The following PLEKHH1 variants were observed in gnomAD, a reference collection of about 807,000 sequenced individuals.
The protein encoded by PLEKHH1 is pleckstrin homology domain-containing family H member 1.
Under a neutral mutation model 160.0 loss-of-function variants are expected in PLEKHH1, and 104 were observed. The observed-to-expected ratio is 0.65, with a 90% CI of 0.55 to 0.76. The LOEUF (loss-of-function observed/expected upper bound fraction) is 0.76. PLEKHH1 is among the 30% of genes least tolerant of loss of function. The pLI is 0.00. For missense variants in PLEKHH1, 1,427 were observed against 1,724.1 expected, an observed-to-expected ratio of 0.83 and a Z score of 3.05; for synonymous variants, 619 against 678.4, an observed-to-expected ratio of 0.91 and a Z score of 1.36.
intron 2 of PLEKHH1, among the ~76,000 whole-genome samples, chr14:67,547,972 C>G (rs1594749159): frequency 6.6e-6 from 1 of 152,198 alleles, no homozygotes; most frequent in East Asian, 1.9e-4. Flanking sequence ...ACCCAGCCTG[C>G]CTGGGCCACC....
intron 17 of PLEKHH1, among the ~76,000 whole-genome samples, chr14:67,577,069 T>G (rs570455279): frequency 6.6e-6 from 1 of 152,228 alleles, no homozygotes; most frequent in African/African-American, 2.4e-5. Context: ...CCCACAACCT[T>G]GCACACTCAC....
At chr14:67,583,911 A>C in intron 25 of PLEKHH1, 28 bp downstream of exon 25, 1 of 1,612,152 alleles carries the variant, frequency 6.2e-7, no homozygotes, top group Non-Finnish European at 8.5e-7. Flanking sequence ...TCTTGCAGCA[A>C]GTCACTGTGG....
At chr14:67,553,300 C>T (rs1361322851) in intron 2 of PLEKHH1, among the ~76,000 whole-genome samples, 2 of 152,050 alleles carry the variant, frequency 1.3e-5, no homozygotes, top group African/African-American at 4.8e-5. Flanking sequence ...AGGGCCTTCC[C>T]GTTCAGTATT....
chr14:67,562,359 CG>C lies in PLEKHH1; in HGVS notation c.730del (p.Val244SerfsTer7). The C allele has an allele frequency of 1.2e-6, 2 of 1,613,682 alleles. No homozygotes were observed. Among genetic ancestry groups the C allele is most frequent in the Non-Finnish European group, 1.7e-6 (2 of 1,179,626 alleles). On this transcript the variant is annotated frameshift_variant, in exon 7 of 29. Transcript: ENST00000329153. LOFTEE classifies it high-confidence loss of function. ...ASPLEDSSSS[T>X]VHSGETVEAK... ...CCCTTGGAGGATTCTAGTTCCAGCA[CG>C]GTCCATTCTGGGGAAACAGTAGAGG...
At position 67,574,249 on chromosome 14, in the gene PLEKHH1, CTG is replaced by C. The variant is rs2035519222; in HGVS notation, c.1935_1936del (p.Lys647GlufsTer74). Reference sequence around the variant, plus strand: ...ATATCTCGCCCTCCACAGCTCATCTCTGAGAAGAAAACCTACTACCTGACGGC... The same window carrying C: ...ATATCTCGCCCTCCACAGCTCATCTCAGAAGAAAACCTACTACCTGACGGC... On this transcript the variant is annotated frameshift_variant, in exon 14 of 29. Transcript: ENST00000329153. LOFTEE classifies it high-confidence loss of function. The surrounding 1 kb of genome is among the most constrained non-coding windows in gnomAD (Gnocchi z 4.2). The C allele has an allele frequency of 1.9e-6, 3 of 1,602,802 alleles. No homozygotes were observed. The highest frequency in any genetic ancestry group is 2.6e-6 in the Non-Finnish European group (3 of 1,174,408).
chr14:67,578,670 T>C lies in PLEKHH1; in HGVS notation c.2849+39T>C, dbSNP rs1437799729. On this transcript the variant is annotated intron_variant, in intron 20 of 28. Transcript: ENST00000329153. This position sits in a 1 kb window ranked among gnomAD's most constrained non-coding sequence, Gnocchi z 5.0. ...GCCGTTTCCTCTGCCACTTGAGCACTGCCAACTGCCGCATGAATAAGAGGG... is the reference window on the plus strand; with the variant it reads ...GCCGTTTCCTCTGCCACTTGAGCACCGCCAACTGCCGCATGAATAAGAGGG... 41 of 1,259,838 alleles carry C rather than the reference T, an allele frequency of 3.3e-5. No individual in the cohort carries two copies. Among genetic ancestry groups the C allele is most frequent in the Non-Finnish European group, 4.6e-5 (40 of 877,478 alleles). 78.0% of individuals were successfully genotyped at this position (1,259,838 alleles called of 1,614,324 possible). A position where few individuals can be genotyped will look rare whatever the true frequency, so the allele number is the denominator to read the frequency against.
At position 67,578,180 on chromosome 14, in the gene PLEKHH1, A is replaced by G. The variant is rs2035715855; in HGVS notation, c.2732A>G (p.Gln911Arg). Residue 911 changes from glutamine to arginine, a missense_variant, in exon 19 of 29, where the codon CAG becomes CGG. Physicochemically the swap from Gln to Arg is conservative, Grantham distance 43. Transcript: ENST00000329153. The surrounding 1 kb of genome is among the most constrained non-coding windows in gnomAD (Gnocchi z 5.0). ...LMKQTSCRPP[Q>R]KYSLMQCWQL... ...AAGCAGACCAGCTGCCGCCCACCTC[A>G]GAAGTACTCCCTCATGCAGGTAGGC... 1.9e-6 allele frequency: 3 copies of G among 1,613,870 alleles called. No homozygotes were observed. The highest frequency in any genetic ancestry group is 2.5e-6 in the Non-Finnish European group (3 of 1,179,838).
intron 28 of PLEKHH1, 136 bp downstream of exon 28, chr14:67,586,233 G>A (rs2036156339): frequency 1.7e-6 from 2 of 1,164,892 alleles, no homozygotes; most frequent in Non-Finnish European, 2.5e-6. Context: ...TCTGTAATTA[G>A]TATTCCAAAG....
rs375000269 is a variant in PLEKHH1, at chr14:67,572,295, C to T, written c.1728+18C>T. 71 of 1,529,098 alleles carry T rather than the reference C, an allele frequency of 4.6e-5. No homozygotes were observed. The highest frequency in any genetic ancestry group is 3.0e-4 in the East Asian group (12 of 39,398). 94.7% of individuals were successfully genotyped at this position (1,529,098 alleles called of 1,614,324 possible). A position where few individuals can be genotyped will look rare whatever the true frequency, so the allele number is the denominator to read the frequency against. Reference sequence around the variant, plus strand: ...TGGGCGGGGTGAGCCGGGAAACGGGCGGGGGCAGGGTGGAAGCAGAATGCA... The same window carrying T: ...TGGGCGGGGTGAGCCGGGAAACGGGTGGGGGCAGGGTGGAAGCAGAATGCA... On this transcript the variant is annotated intron_variant, in intron 11 of 28. Coordinates refer to ENST00000329153, the MANE Select transcript of PLEKHH1 (RefSeq NM_020715.3).
In PLEKHH1 at chr14:67,574,391, C is replaced by A. The variant is rs752960783; in HGVS notation, c.2076C>A (p.Gly692=). ...LRGGTKPTVK[G]WLTKVKHGHS... ...GTGGCACCAAGCCCACCGTGAAGGG[C>A]TGGCTGACCAAGGTAGAGGGTGGGG... is the stretch of plus-strand genomic sequence containing the variant. Residue 692 remains glycine (G), a synonymous_variant, in exon 14 of 29, where the codon GGC becomes GGA. Transcript: ENST00000329153. The surrounding 1 kb of genome is among the most constrained non-coding windows in gnomAD (Gnocchi z 4.2). 1 of 1,574,318 alleles carries A rather than the reference C, an allele frequency of 6.4e-7. No individual in the cohort carries two copies. The highest frequency in any genetic ancestry group is 8.6e-7 in the Non-Finnish European group (1 of 1,161,102).
chr14:67,537,681 A>G (rs2033794917), intron 1 of PLEKHH1, among the ~76,000 whole-genome samples: 1 of 152,280 alleles, frequency 6.6e-6, no homozygotes, highest in Non-Finnish European at 1.5e-5. Context: ...AAAAGAAAAA[A>G]AAGTAATCTT....
In PLEKHH1 at chr14:67,562,642, G is replaced by A. The variant is rs780090698; in HGVS notation, c.1011G>A (p.Val337=). ...AAAGGCACCACAGCCAGCCCCAGGT[G>A]GGCCATGGGCACTTTGGCCGTGTGG... is the stretch of plus-strand genomic sequence containing the variant. ...LAKRHHSQPQ[V]GHGHFGRVVN... is the part of the protein sequence containing the mutation. The change falls in exon 7 of 29, where the codon GTG becomes GTA. Residue 337 remains valine (V), a synonymous_variant. Transcript: ENST00000329153. 2.5e-6 allele frequency: 4 copies of A among 1,612,866 alleles called. No individual in the cohort carries two copies. In the African/African-American group the frequency reaches 5.3e-5, roughly 22 times the overall value.
chr14:67,572,357 CAGTAG>C, intron 11 of PLEKHH1, 80 bp downstream of exon 11: 1 of 1,247,412 alleles, frequency 8.0e-7, no homozygotes, highest in Non-Finnish European at 1.1e-6. Flanking sequence ...AAGACATAGG[CAGTAG>C]CTGCCTGAAG....
chr14:67,579,368 T>C (rs1172867417), intron 21 of PLEKHH1, 57 bp downstream of exon 21: 11 of 1,339,194 alleles, frequency 8.2e-6, no homozygotes, highest in African/African-American at 1.5e-5. Flanking sequence ...ATCCAGAGAA[T>C]ACCCCTGGGC....
Position 67,562,118 on chromosome 14 carries a change from G to A in PLEKHH1, c.506-19G>A, listed in dbSNP as rs1487736570. On this transcript the variant is annotated intron_variant, in intron 6 of 28. Coordinates refer to ENST00000329153, the MANE Select transcript of PLEKHH1 (RefSeq NM_020715.3). Reference sequence around the variant, plus strand: ...AGCTACGGGAGCTCTCAATGTGACTGTTTTTACCCGAATCACAGCTATTCA... The same window carrying A: ...AGCTACGGGAGCTCTCAATGTGACTATTTTTACCCGAATCACAGCTATTCA... 1 of 1,611,334 alleles carries A rather than the reference G, an allele frequency of 6.2e-7. No homozygotes were observed. Among genetic ancestry groups the A allele is most frequent in the Admixed American group, 1.7e-5 (1 of 59,860 alleles).
intron 2 of PLEKHH1, 128 bp downstream of exon 2, chr14:67,542,121 A>G: frequency 2.2e-6 from 2 of 901,918 alleles, no homozygotes; most frequent in Non-Finnish European, 3.2e-6. Context: ...ATGCAAAATG[A>G]AACCCAAGGT....
At chr14:67,538,991 G>A (rs1460299650) in intron 1 of PLEKHH1, among the ~76,000 whole-genome samples, 1 of 152,162 alleles carries the variant, frequency 6.6e-6, no homozygotes, top group African/African-American at 2.4e-5. Flanking sequence ...CAATCAGTAA[G>A]AGGGAATCAA....
intron 2 of PLEKHH1, among the ~76,000 whole-genome samples, chr14:67,544,500 C>A (rs981792808): frequency 6.6e-6 from 1 of 152,156 alleles, no homozygotes; most frequent in Non-Finnish European, 1.5e-5. Context: ...AGGAAATAAT[C>A]TACAATGAGT....
intron 14 of PLEKHH1, among the ~76,000 whole-genome samples, chr14:67,575,032 TGCCCAAGGGCTTCA>T (rs2035560686): frequency 6.6e-6 from 1 of 152,232 alleles, no homozygotes; most frequent in African/African-American, 2.4e-5. Context: ...GATGCATGGT[TGCCCAAGGGCTTCA>T]GCCTGCTGTT....
Sources: allele counts gnomAD v4.1 joint callset (sites outside exome capture counted in the v4.1 genomes callset), GRCh38; gene constraint gnomAD v4.1.1; non-coding constraint Gnocchi (gnomAD v3.1); transcripts MANE v1.5; gene names NCBI Gene and HGNC (gene_info 2026-07-23, HGNC 2026-07-21).